The following ITPR1 variants were observed in gnomAD, a reference collection of about 807,000 sequenced individuals.
ITPR1 encodes the protein inositol 1,4,5-trisphosphate-gated calcium channel ITPR1.
A neutral mutation model predicts 318.4 loss-of-function variants in ITPR1; 96 were observed. The observed-to-expected ratio is 0.30, with a 90% confidence interval of 0.26 to 0.36. The LOEUF (loss-of-function observed/expected upper bound fraction) is 0.36. ITPR1 is among the 10% of genes least tolerant of loss of function. ITPR1 has a pLI of 1.00. For missense variants in ITPR1, 2,440 were observed against 3,460.2 expected, an observed-to-expected ratio of 0.71 and a Z score of 7.40; for synonymous variants, 1,312 against 1,289.9, an observed-to-expected ratio of 1.02 and a Z score of -0.37.
chr3:4,845,922 G>A (rs1029975380), intron 61 of ITPR1, among the ~76,000 whole-genome samples: 1 of 152,178 alleles, frequency 6.6e-6, no homozygotes, highest in African/African-American at 2.4e-5. Flanking sequence ...CAATACTTCT[G>A]AATGTTACAT....
intron 31 of ITPR1, among the ~76,000 whole-genome samples, chr3:4,689,005 A>T (rs2094440313): frequency 6.6e-6 from 1 of 152,222 alleles, no homozygotes; most frequent in South Asian, 2.1e-4. Context: ...CATATCAAAC[A>T]TATCTGTAAT....
intron 61 of ITPR1, among the ~76,000 whole-genome samples, chr3:4,837,544 C>G (rs1332482926): frequency 6.6e-6 from 1 of 152,006 alleles, no homozygotes; most frequent in Non-Finnish European, 1.5e-5. Context: ...TGCCTGCACC[C>G]TGCTTCCTAT....
chr3:4,621,000 T>C (rs944159186), intron 4 of ITPR1, among the ~76,000 whole-genome samples: 12 of 151,850 alleles, frequency 7.9e-5, no homozygotes, highest in African/African-American at 2.9e-4. Context: ...GCCTACTCAC[T>C]ACTCAGCATT....
At chr3:4,660,205 T>G (rs1317734599) in intron 13 of ITPR1, among the ~76,000 whole-genome samples, 1 of 152,248 alleles carries the variant, frequency 6.6e-6, no homozygotes, top group Non-Finnish European at 1.5e-5. Flanking sequence ...TTAACTTGTG[T>G]AACTTTTATA....
rs944821501 is a variant in ITPR1 at position 4,738,416 on chromosome 3, A to G, written c.5544+3062A>G. On this transcript the variant is annotated intron_variant, in intron 44 of 61. Transcript: ENST00000649015. ...CCCTGTCACTCCTTGCACCAGGCCC[A>G]GGCCTGGACCTGCTGATACTTGGTA... Among the ~76,000 whole-genome samples the G allele has an allele frequency of 7.2e-5, 11 of 152,332 alleles. No homozygotes were observed. In the South Asian group the frequency reaches 2.3e-3, roughly 32 times the overall value.
At chr3:4,721,126 T>A (rs899505052) in intron 40 of ITPR1, among the ~76,000 whole-genome samples, 1 of 139,552 alleles carries the variant, frequency 7.2e-6, no homozygotes. Flanking sequence ...ATATATATAT[T>A]TATATATATT....
intron 4 of ITPR1, among the ~76,000 whole-genome samples, chr3:4,527,352 T>C (rs2083064821): frequency 6.6e-6 from 1 of 152,152 alleles, no homozygotes; most frequent in African/African-American, 2.4e-5. Flanking sequence ...TCTTTTTAAA[T>C]TTTTGTAGAG....
intron 29 of ITPR1, 118 bp downstream of exon 29, chr3:4,684,464 C>T (rs2094355694): frequency 2.7e-6 from 2 of 732,888 alleles, no homozygotes; most frequent in Admixed American, 2.3e-5. Context: ...TGTGGTTTAA[C>T]AGGGAGAAAG....
At position 4,775,474 on chromosome 3, in the gene ITPR1, A is replaced by G. The variant is rs188082350; in HGVS notation, c.6180+32A>G. The G allele has an allele frequency of 6.5e-6, 10 of 1,532,394 alleles. No individual in the cohort carries two copies. The African/African-American group carries it at 1.2e-4, about 19-fold the overall frequency. 94.9% of individuals were successfully genotyped at this position (1,532,394 alleles called of 1,614,324 possible). A position where few individuals can be genotyped will look rare whatever the true frequency, so the allele number is the denominator to read the frequency against. On this transcript the variant is annotated intron_variant, in intron 47 of 61. Coordinates refer to ENST00000649015, the MANE Select transcript of ITPR1 (RefSeq NM_001378452.1). ...AAATTTCTGTTTTGGGATGGGGAAA[A>G]AAAGTGTCCCATTTTGGAAATGTTG... is the stretch of plus-strand genomic sequence containing the variant.
At chr3:4,525,595 G>A (rs1298243163) in intron 4 of ITPR1, among the ~76,000 whole-genome samples, 3 of 152,162 alleles carry the variant, frequency 2.0e-5, no homozygotes, top group African/African-American at 7.2e-5. Context: ...GTCCTCGTAA[G>A]GGATGAGGAG....
chr3:4,658,037 T>A, intron 12 of ITPR1, 87 bp from the exon 13 acceptor site: 1 of 1,306,048 alleles, frequency 7.7e-7, no homozygotes, highest in African/African-American at 1.5e-5. Flanking sequence ...GATCCTTTCT[T>A]CTCCGTTCCT....
At chr3:4,596,438 T>C (rs1000985261) in intron 4 of ITPR1, among the ~76,000 whole-genome samples, 3 of 152,210 alleles carry the variant, frequency 2.0e-5, no homozygotes, top group Admixed American at 1.3e-4. Context: ...GTTCACTATA[T>C]ACAATGGTGT....
intron 4 of ITPR1, among the ~76,000 whole-genome samples, chr3:4,569,641 G>A (rs1019764052): frequency 1.3e-5 from 2 of 152,144 alleles, no homozygotes; most frequent in Admixed American, 6.5e-5. Context: ...TCTAAAAACT[G>A]GGAAGCAATG....
intron 4 of ITPR1, among the ~76,000 whole-genome samples, chr3:4,584,864 A>T (rs550572519): frequency 1.3e-5 from 2 of 152,306 alleles, no homozygotes; most frequent in South Asian, 4.1e-4. Flanking sequence ...GATGAAGCAA[A>T]TGAAGAGACA....
intron 39 of ITPR1, among the ~76,000 whole-genome samples, chr3:4,714,091 T>C (rs2041588455): frequency 6.6e-6 from 1 of 152,196 alleles, no homozygotes; most frequent in Non-Finnish European, 1.5e-5. Context: ...TGGTATTCAC[T>C]TTGTCTGTCT....
intron 4 of ITPR1, among the ~76,000 whole-genome samples, chr3:4,555,857 T>C (rs927194541): frequency 6.6e-6 from 1 of 152,252 alleles, no homozygotes; most frequent in Non-Finnish European, 1.5e-5. Flanking sequence ...ATAAGGAGGC[T>C]TGTCTGTCTT....
At chr3:4,586,507 CTTTTT>C (rs34188022) in intron 4 of ITPR1, among the ~76,000 whole-genome samples, 5 of 104,792 alleles carry the variant, frequency 4.8e-5, no homozygotes, top group African/African-American at 3.3e-5. Flanking sequence ...GCCTTGAGTG[CTTTTT>C]TTTTTTTTTT....
chr3:4,669,883 G>A (rs1385960032), intron 19 of ITPR1, 110 bp downstream of exon 19: 1 of 1,116,442 alleles, frequency 9.0e-7, no homozygotes, highest in African/African-American at 1.6e-5. Context: ...TAAAGTCAGT[G>A]TGGCTGGCAT....
chr3:4,707,902 C>T (rs1559741745), intron 37 of ITPR1, among the ~76,000 whole-genome samples: 1 of 152,084 alleles, frequency 6.6e-6, no homozygotes, highest in South Asian at 2.1e-4. Context: ...TCTGGGGATA[C>T]AGTGGTCAGC....
Sources: gnomAD v4.1 joint callset for allele counts (sites outside exome capture counted in the v4.1 genomes callset) on GRCh38, gnomAD v4.1.1 for gene constraint, MANE v1.5 for transcripts, NCBI Gene and HGNC (gene_info 2026-07-23, HGNC 2026-07-21) for gene names.